The following RTTN variants were observed in gnomAD, a reference collection of about 807,000 sequenced individuals.
RTTN encodes the protein rotatin.
RTTN carries 182 observed loss-of-function variants against 269.2 expected under a neutral mutation model. That is an observed-to-expected ratio of 0.68 (90% CI 0.60 to 0.76). RTTN has a LOEUF of 0.76. Ranked by LOEUF, RTTN falls within the 30% of genes least tolerant of loss-of-function variation. The pLI is 0.00. For missense variants in RTTN, 2,545 were observed against 2,608.6 expected (o/e 0.98, Z 0.53); for synonymous variants, 1,006 against 963.5 (o/e 1.04, Z -0.82).
At chr18:70,034,034 A>T (rs2057097733) in intron 40 of RTTN, among the ~76,000 whole-genome samples, 1 of 152,324 alleles carries the variant, frequency 6.6e-6, no homozygotes, top group African/African-American at 2.4e-5. Flanking sequence ...GAACAGACCA[A>T]CAATGAGCTC....
chr18:70,063,834 C>T (rs1395485927), intron 35 of RTTN, among the ~76,000 whole-genome samples: 1 of 151,814 alleles, frequency 6.6e-6, no homozygotes, highest in Non-Finnish European at 1.5e-5. Context: ...ACATTTGACA[C>T]CCTGATCTCT....
chr18:70,114,198 A>G (rs1178821492), intron 27 of RTTN, among the ~76,000 whole-genome samples: 1 of 152,112 alleles, frequency 6.6e-6, no homozygotes, highest in Non-Finnish European at 1.5e-5. Flanking sequence ...ATTAAACCCT[A>G]GAGAACAAAA....
At position 70,135,204 on chromosome 18, in the gene RTTN, T is replaced by A. The variant is rs1297970210; in HGVS notation, c.2865A>T (p.Glu955Asp). ...GALFCLLLFD[E>D]VSRMDMWSVN... ...CTCACCACATATCCATTCTCGATAC[T>A]TCATCAAATAATAGAAGACAAAATA... The change falls in exon 22 of 49, where the codon GAA (glutamate) becomes GAT (aspartate). Residue 955 changes from glutamate to aspartate, a missense_variant. Glu to Asp is a conservative substitution (Grantham distance 45, BLOSUM62 2). Coordinates refer to ENST00000640769, the MANE Select transcript of RTTN (RefSeq NM_173630.4). The A allele has an allele frequency of 1.3e-6, 2 of 1,540,470 alleles. No individual in the cohort carries two copies. The highest frequency in any genetic ancestry group is 1.7e-6 in the Non-Finnish European group (2 of 1,149,196).
chr18:70,126,086 C>T (rs951900315), intron 25 of RTTN, among the ~76,000 whole-genome samples: 1 of 152,040 alleles, frequency 6.6e-6, no homozygotes, highest in African/African-American at 2.4e-5. Flanking sequence ...ATACTCTCCA[C>T]TTACACTAGT....
At chr18:70,194,153 C>G (rs560130207) in intron 7 of RTTN, 4 of 152,260 alleles carry the variant, frequency 2.6e-5, no homozygotes, top group African/African-American at 9.6e-5. Context: ...AAAGAAGATA[C>G]ATGAACAAAC....
intron 28 of RTTN, among the ~76,000 whole-genome samples, chr18:70,094,959 G>C (rs2058958966): frequency 6.6e-6 from 1 of 151,966 alleles, no homozygotes; most frequent in Non-Finnish European, 1.5e-5. Flanking sequence ...AGGTCTCTAA[G>C]AACTTGCTTT....
At chr18:70,197,856 C>T (rs2061850220) in intron 5 of RTTN, 118 bp from the exon 6 acceptor site, 1 of 661,852 alleles carries the variant, frequency 1.5e-6, no homozygotes. Context: ...GATATCACTT[C>T]TCCAGAAAAG....
Position 70,196,611 on chromosome 18 carries a change from C to T in RTTN, c.731G>A (p.Gly244Glu). 7.4e-7 allele frequency: 1 copy of T among 1,354,900 alleles called. No homozygotes were observed. Among genetic ancestry groups the T allele is most frequent in the Non-Finnish European group, 1.0e-6 (1 of 1,004,172 alleles). The allele number at this position is 1,354,900 out of a possible 1,614,324, so 83.9% of individuals were successfully genotyped here. The change falls in exon 7 of 49, where the codon GGA (glycine) becomes GAA (glutamate). Residue 244 changes from glycine (G) to glutamate (E), a missense_variant. Coordinates refer to ENST00000640769, the MANE Select transcript of RTTN (RefSeq NM_173630.4). ...LSLLKLAFGD[G>E]KHRLALQSVS... ...CGACTGTAATGCCAGGCGATGCTTT[C>T]CATCTCCAAAGGCCAGTTTCAACAG...
intron 26 of RTTN, among the ~76,000 whole-genome samples, chr18:70,120,204 C>T (rs969990380): frequency 8.8e-6 from 1 of 113,142 alleles, no homozygotes; most frequent in African/African-American, 2.7e-5. Context: ...CACATATACC[C>T]TGCATCACCT....
chr18:70,022,669 C>CA (rs2056739892), intron 44 of RTTN, among the ~76,000 whole-genome samples: 1 of 152,116 alleles, frequency 6.6e-6, no homozygotes, highest in African/African-American at 2.4e-5. Context: ...CCTCAAGGTC[C>CA]AAAAGAACAT....
At chr18:70,078,634 CTGAG>C (rs2058486812) in intron 32 of RTTN, among the ~76,000 whole-genome samples, 1 of 151,788 alleles carries the variant, frequency 6.6e-6, no homozygotes, top group African/African-American at 2.4e-5. Context: ...AACTTTTCCT[CTGAG>C]TATTAGATGA....
At chr18:70,175,545 T>G (rs76368574) in intron 11 of RTTN, among the ~76,000 whole-genome samples, 5,201 of 152,122 alleles carry the variant, frequency 0.034, 310 homozygotes, top group African/African-American at 0.12. Context: ...GAAATTCTTT[T>G]GATCAGGTGC....
chr18:70,097,647 C>T (rs1022900869), intron 28 of RTTN, among the ~76,000 whole-genome samples: 6 of 152,168 alleles, frequency 3.9e-5, no homozygotes, highest in Admixed American at 2.0e-4. Flanking sequence ...TTTATAACTG[C>T]GAAACATTAC....
chr18:70,169,423 G>A (rs971981384), intron 11 of RTTN, among the ~76,000 whole-genome samples: 2 of 152,002 alleles, frequency 1.3e-5, no homozygotes, highest in South Asian at 2.1e-4. Flanking sequence ...AGTATTTTCT[G>A]TACATGTACG....
In RTTN at chr18:70,114,573, C is replaced by A. The variant is rs1440564681; in HGVS notation, c.3555G>T (p.Leu1185Phe). The change falls in exon 27 of 49, where the codon TTG becomes TTT. Residue 1185 changes from leucine (L) to phenylalanine (F), a missense_variant. By Grantham distance (22) the Leu-to-Phe change is conservative. Coordinates refer to ENST00000640769, the MANE Select transcript of RTTN (RefSeq NM_173630.4). ...RHSANPLLDLLVLTESQAREE... is the reference protein window; with the variant it reads ...RHSANPLLDLFVLTESQAREE... The stretch of plus-strand genomic sequence containing the variant: ...CTCGTGCCTGTGACTCTGTCAGAAC[C>A]AAGAGGTCTAACAGTGGGTTTGCAC... The A allele has an allele frequency of 6.2e-7, 1 of 1,613,262 alleles. No individual in the cohort carries two copies. Among genetic ancestry groups the A allele is most frequent in the African/African-American group, 1.3e-5 (1 of 74,890 alleles).
chr18:70,067,308 C>T (rs1430710586), intron 34 of RTTN, among the ~76,000 whole-genome samples: 18 of 151,248 alleles, frequency 1.2e-4, no homozygotes, highest in Admixed American at 2.6e-4. Flanking sequence ...TACAGGCGCC[C>T]GCCACCACGC....
chr18:70,050,786 G>A (rs561105136), intron 39 of RTTN, among the ~76,000 whole-genome samples: 1 of 152,308 alleles, frequency 6.6e-6, no homozygotes, highest in Admixed American at 6.5e-5. Context: ...CACGGATGAA[G>A]CTGGAAGCCA....
chr18:70,115,555 T>C (rs1007728176), intron 26 of RTTN, among the ~76,000 whole-genome samples: 4 of 151,980 alleles, frequency 2.6e-5, no homozygotes, highest in Admixed American at 1.3e-4. Context: ...ATTTGACTTT[T>C]TGAATAAACT....
chr18:70,168,313 A>C (rs2145921183), intron 12 of RTTN, among the ~76,000 whole-genome samples: 1 of 152,130 alleles, frequency 6.6e-6, no homozygotes, highest in East Asian at 1.9e-4. Context: ...TAATATTCTA[A>C]TAGTATTTTT....
Sources: allele counts gnomAD v4.1 joint callset (sites outside exome capture counted in the v4.1 genomes callset), GRCh38; gene constraint gnomAD v4.1.1; transcripts MANE v1.5; gene names NCBI Gene and HGNC (gene_info 2026-07-23, HGNC 2026-07-21).